The following CAMKMT variants were observed in gnomAD, a reference collection of about 807,000 sequenced individuals.
CAMKMT encodes the protein CaM KMT.
In CAMKMT, 53 loss-of-function variants were observed where a neutral mutation model predicts 48.0. That is an observed-to-expected ratio of 1.10 (90% CI 0.89 to 1.39). CAMKMT has a LOEUF of 1.39. CAMKMT is among the 40% of genes most tolerant of loss of function. The pLI is 0.00. For missense variants in CAMKMT, 428 were observed against 402.7 expected (o/e 1.06, Z -0.54); for synonymous variants, 165 against 152.3 (o/e 1.08, Z -0.61).
chr2:44,579,915 C>G (rs1018480401), intron 3 of CAMKMT, among the ~76,000 whole-genome samples: 5 of 152,122 alleles, frequency 3.3e-5, no homozygotes, highest in Admixed American at 6.5e-5. Flanking sequence ...TTTGGAAAGC[C>G]TTTCATTTGG....
At chr2:44,706,126 T>G (rs1677542973) in intron 4 of CAMKMT, among the ~76,000 whole-genome samples, 161 bp from the exon 5 acceptor site, 1 of 152,186 alleles carries the variant, frequency 6.6e-6, no homozygotes, top group African/African-American at 2.4e-5. Context: ...ATAATTATTT[T>G]TAAAACGCAA....
chr2:44,578,873 A>G (rs1034702327), intron 3 of CAMKMT, among the ~76,000 whole-genome samples: 5 of 152,346 alleles, frequency 3.3e-5, no homozygotes, highest in Middle Eastern at 3.4e-3. Flanking sequence ...ACAAATGACT[A>G]TTTGGTACAG....
intron 3 of CAMKMT, among the ~76,000 whole-genome samples, chr2:44,453,372 A>G (rs1223203189): frequency 4.6e-5 from 7 of 152,058 alleles, no homozygotes; most frequent in Admixed American, 4.6e-4. Flanking sequence ...GTTCAAGTGA[A>G]CCATCTCATT....
At position 44,651,845 on chromosome 2, in the gene CAMKMT, G is replaced by A. The variant is rs1346366585; in HGVS notation, c.377-52438G>A. ...TGCATGTTAATGAAACCATTAGAAG[G>A]AAAGAAGAATTTAATGAGCTTTCTG... is the stretch of plus-strand genomic sequence containing the variant. On this transcript the variant is annotated intron_variant, in intron 3 of 10. Transcript: ENST00000378494. 3.3e-5 allele frequency among the ~76,000 whole-genome samples: 5 copies of A among 152,216 alleles called. No individual in the cohort carries two copies. In the South Asian group the frequency reaches 8.3e-4, roughly 25 times the overall value.
At chr2:44,546,706 G>A (rs951253269) in intron 3 of CAMKMT, among the ~76,000 whole-genome samples, 3 of 152,204 alleles carry the variant, frequency 2.0e-5, no homozygotes, top group Non-Finnish European at 4.4e-5. Flanking sequence ...TTTTCACTTA[G>A]CATAGTCAGT....
At chr2:44,489,243 ATTTT>A (rs11389463) in intron 3 of CAMKMT, among the ~76,000 whole-genome samples, 34 of 107,710 alleles carry the variant, frequency 3.2e-4, no homozygotes, top group Middle Eastern at 5.5e-3. Context: ...ATGGAATACT[ATTTT>A]TTTTTTTTTT....
intron 7 of CAMKMT, among the ~76,000 whole-genome samples, chr2:44,732,690 T>C (rs73924537): frequency 0.017 from 2,612 of 152,346 alleles, 75 homozygotes; most frequent in African/African-American, 0.059. Flanking sequence ...TATTTTCATG[T>C]ACTTATTTGC....
In CAMKMT at chr2:44,608,401, A is replaced by AT. The variant is rs752551408; in HGVS notation, c.377-95875dup. On this transcript the variant is annotated intron_variant, in intron 3 of 10. Transcript: ENST00000378494. ...TTCCTTTTTTGTACTTTTAAGTTTT[A>AT]TTTTTTTAAAATTGACAAATAATAA... is the stretch of plus-strand genomic sequence containing the variant. Among the ~76,000 whole-genome samples the AT allele has an allele frequency of 3.9e-5, 6 of 151,952 alleles. No homozygotes were observed. In the East Asian group the frequency reaches 1.2e-3, roughly 29 times the overall value.
chr2:44,593,418 C>G (rs1334497171), intron 3 of CAMKMT, among the ~76,000 whole-genome samples: 1 of 152,162 alleles, frequency 6.6e-6, no homozygotes, highest in Non-Finnish European at 1.5e-5. Context: ...CTTTGCAGCT[C>G]TGTACTCTCT....
chr2:44,704,482 CAGAA>C, intron 4 of CAMKMT, 139 bp downstream of exon 4: 1 of 591,790 alleles, frequency 1.7e-6, no homozygotes, highest in Non-Finnish European at 2.7e-6. Context: ...AAAAGGAAAA[CAGAA>C]AGAGGGGAAA....
chr2:44,616,203 T>C (rs1339177761), intron 3 of CAMKMT, among the ~76,000 whole-genome samples: 2 of 152,220 alleles, frequency 1.3e-5, no homozygotes, highest in African/African-American at 4.8e-5. Flanking sequence ...GCTTTCATTC[T>C]TGTGCTCTTC....
At chr2:44,675,698 A>G (rs1217791066) in intron 3 of CAMKMT, among the ~76,000 whole-genome samples, 1 of 152,174 alleles carries the variant, frequency 6.6e-6, no homozygotes, top group Non-Finnish European at 1.5e-5. Flanking sequence ...CATTTGCATC[A>G]TTTTAAGTGT....
chr2:44,669,676 C>A (rs894543130), intron 3 of CAMKMT, among the ~76,000 whole-genome samples: 4 of 151,780 alleles, frequency 2.6e-5, no homozygotes, highest in African/African-American at 9.7e-5. Flanking sequence ...CTCGCTCTGT[C>A]ACCTAGGCTG....
chr2:44,704,249 AT>A, intron 3 of CAMKMT, 33 bp from the exon 4 acceptor site: 1 of 1,573,064 alleles, frequency 6.4e-7, no homozygotes. Context: ...AATGACTTCT[AT>A]AATCAAAAGG....
intron 3 of CAMKMT, among the ~76,000 whole-genome samples, chr2:44,542,527 A>G (rs1272935929): frequency 1.1e-5 from 1 of 87,432 alleles, no homozygotes; most frequent in African/African-American, 3.4e-5. Context: ...ACACACACAC[A>G]CACACACACA....
intron 3 of CAMKMT, among the ~76,000 whole-genome samples, chr2:44,560,413 G>A (rs2103691070): frequency 6.6e-6 from 1 of 152,318 alleles, no homozygotes; most frequent in Non-Finnish European, 1.5e-5. Flanking sequence ...GACTACAGGA[G>A]CATACCACTA....
At chr2:44,488,520 GTA>G (rs1400526272) in intron 3 of CAMKMT, among the ~76,000 whole-genome samples, 3 of 151,670 alleles carry the variant, frequency 2.0e-5, no homozygotes, top group South Asian at 2.1e-4. Context: ...AAAAATTTGA[GTA>G]TGTTATTAAT....
intron 7 of CAMKMT, among the ~76,000 whole-genome samples, chr2:44,728,499 A>G (rs1247399835): frequency 6.6e-6 from 1 of 152,196 alleles, no homozygotes; most frequent in African/African-American, 2.4e-5. Context: ...GATTGGTATC[A>G]GTTCTTCTTC....
At chr2:44,497,952 G>A (rs948925806) in intron 3 of CAMKMT, among the ~76,000 whole-genome samples, 1 of 152,100 alleles carries the variant, frequency 6.6e-6, no homozygotes, top group Non-Finnish European at 1.5e-5. Flanking sequence ...AAATTGGAAT[G>A]TTGTGGTAGA....
Sources: gnomAD v4.1 joint callset for allele counts (sites outside exome capture counted in the v4.1 genomes callset) on GRCh38, gnomAD v4.1.1 for gene constraint, MANE v1.5 for transcripts, NCBI Gene and HGNC (gene_info 2026-07-23, HGNC 2026-07-21) for gene names.